SMIM10L2B: variants seen among roughly 807,000 people sequenced by gnomAD.
SMIM10L2B encodes the protein small integral membrane protein 10 like 2B, also known as small integral membrane protein 10-like protein 2B.
For missense variants in SMIM10L2B, 40 were observed against 58.7 expected (o/e 0.68, Z 1.04); for synonymous variants, 28 against 30.0 (o/e 0.93, Z 0.22).
At position 135,097,411 on chromosome X, in the gene SMIM10L2B, G is replaced by C. The variant is rs1162722985; in HGVS notation, c.*365-290C>G. Among the ~76,000 whole-genome samples, 15 of 112,302 alleles carry C rather than the reference G, an allele frequency of 1.3e-4. 1 individual carries two copies. The highest frequency in any genetic ancestry group is 4.9e-4 in the African/African-American group (15 of 30,856). On this transcript the variant is annotated intron_variant, in intron 1 of 1. Transcript: ENST00000433425. ...GACATGGCGGAAGAGCAAGACTGTG[G>C]GGGGAGGGGACGGTAGGAATGCGTC...
rs1258457241 is a variant in SMIM10L2B, at chrX:135,098,550, C to T, written c.84G>A (p.Ala28=). Residue 28 remains alanine (A), a synonymous_variant, in exon 1 of 2, where the codon GCG becomes GCA. Transcript: ENST00000433425. ...GLAVRLSRSA[A]ARGSYGAFCK... ...AGAAGGCGCCGTATGAGCCTCGGGC[C>T]GCCGCCGAGCGCGACAGCCGAACCG... The T allele has an allele frequency of 5.2e-4, 466 of 903,026 alleles. 1 individual carries two copies. The highest frequency in any genetic ancestry group is 6.5e-4 in the Non-Finnish European group (446 of 681,410). 74.4% of individuals were successfully genotyped at this position (903,026 alleles called of 1,213,427 possible).
Position 135,098,401 on chromosome X carries a change from T to G in SMIM10L2B, c.233A>C (p.Glu78Ala). Residue 78 changes from glutamate (E) to alanine (A), a missense_variant, in exon 1 of 2, where the codon GAG (glutamate) becomes GCG (alanine). Transcript: ENST00000433425. ...GGCCGCCGCCGCCGCCGGCGCTCAC[T>G]CGATCCGCACTTGCAGGCGGACGTT... ...MLNVRLQVRI[E>A] 1.5e-6 allele frequency: 1 copy of G among 652,127 alleles called. No homozygotes were observed. The highest frequency in any genetic ancestry group is 2.2e-6 in the Non-Finnish European group (1 of 464,350). 53.7% of individuals were successfully genotyped at this position (652,127 alleles called of 1,213,427 possible).
chrX:135,096,249 G>A lies in SMIM10L2B; in HGVS notation c.*1237C>T, dbSNP rs781983144. 9.0e-6 allele frequency: 1 copy of A among 111,163 alleles called. No individual in the cohort carries two copies. Among genetic ancestry groups the A allele is most frequent in the African/African-American group, 3.3e-5 (1 of 30,504 alleles). The allele number at this position is 111,163 out of a possible 1,213,427, so 9.2% of individuals were successfully genotyped here. A position where few individuals can be genotyped will look rare whatever the true frequency, so the allele number is the denominator to read the frequency against. On this transcript the variant is annotated 3_prime_UTR_variant, in exon 2 of 2. Transcript: ENST00000433425. ...CCCCAGGACCAATCCAAGCCGTGAG[G>A]ATGAGATTCTCCTGTGTGATCCTGG...
In SMIM10L2B at chrX:135,095,725, C is replaced by T. The variant is rs2083444646; in HGVS notation, c.*1761G>A. On this transcript the variant is annotated 3_prime_UTR_variant, in exon 2 of 2. Transcript: ENST00000433425. Reference sequence around the variant, plus strand: ...CAAGGAGGCCCCTCACTCCTCTTCTCCTCCAGCTCTGTATCACTCTTGTCC... The same window carrying T: ...CAAGGAGGCCCCTCACTCCTCTTCTTCTCCAGCTCTGTATCACTCTTGTCC... The T allele has an allele frequency of 8.9e-6, 1 of 112,511 alleles. No individual in the cohort carries two copies. Among genetic ancestry groups the T allele is most frequent in the Non-Finnish European group, 1.9e-5 (1 of 53,272 alleles). 9.3% of individuals were successfully genotyped at this position (112,511 alleles called of 1,213,427 possible). A position where few individuals can be genotyped will look rare whatever the true frequency, so the allele number is the denominator to read the frequency against.
In SMIM10L2B at chrX:135,095,225, G is replaced by C. The variant is rs2083442908; in HGVS notation, c.*2261C>G. 9.0e-6 allele frequency: 1 copy of C among 111,701 alleles called. No homozygotes were observed. The highest frequency in any genetic ancestry group is 3.3e-5 in the African/African-American group (1 of 30,591). The allele number at this position is 111,701 out of a possible 1,213,427, so 9.2% of individuals were successfully genotyped here. A position where few individuals can be genotyped will look rare whatever the true frequency, so the allele number is the denominator to read the frequency against. On this transcript the variant is annotated 3_prime_UTR_variant, in exon 2 of 2. Coordinates refer to ENST00000433425, the MANE Select transcript of SMIM10L2B (RefSeq NM_001348255.2). ...GACCCCATCACGCAGCAAGGGCCCT[G>C]TAGGGGAGAGAAGAGGTGGGGAGGG...
In SMIM10L2B at chrX:135,096,027, G is replaced by C. The variant is rs2083445782; in HGVS notation, c.*1459C>G. On this transcript the variant is annotated 3_prime_UTR_variant, in exon 2 of 2. Transcript: ENST00000433425. ...GGCCTGCTGAGGAGGGTACGTGGTA[G>C]GTGGTTGGATCACTCTGTCCCTGGA... The C allele has an allele frequency of 8.9e-6, 1 of 111,865 alleles. No individual in the cohort carries two copies. 9.2% of individuals were successfully genotyped at this position (111,865 alleles called of 1,213,427 possible). A position where few individuals can be genotyped will look rare whatever the true frequency, so the allele number is the denominator to read the frequency against.
rs1249870567 is a variant in SMIM10L2B at position 135,098,288 on chromosome X, C to T, written c.*109G>A. On this transcript the variant is annotated 3_prime_UTR_variant, in exon 1 of 2. Transcript: ENST00000433425. ...AGGGGCCCGGGCCGCCCCACCTCCG[C>T]CCCCCGCCGCGATCCAGCTGTCCTT... 1.4e-5 allele frequency: 4 copies of T among 279,352 alleles called. No individual in the cohort carries two copies. Among genetic ancestry groups the T allele is most frequent in the Non-Finnish European group, 2.5e-5 (4 of 160,754 alleles). The allele number at this position is 279,352 out of a possible 1,213,427, so 23.0% of individuals were successfully genotyped here.
rs1556397965 is a variant in SMIM10L2B at position 135,096,084 on chromosome X, G to GCT, written c.*1401_*1402insAG. 5 of 111,616 alleles carry GCT rather than the reference G, an allele frequency of 4.5e-5. No individual in the cohort carries two copies. The highest frequency in any genetic ancestry group is 9.4e-5 in the Non-Finnish European group (5 of 53,146). 9.2% of individuals were successfully genotyped at this position (111,616 alleles called of 1,213,427 possible). A position where few individuals can be genotyped will look rare whatever the true frequency, so the allele number is the denominator to read the frequency against. ...CAGACTGCTGCAGTTTTCAATCCCA[G>GCT]GAACTGAGAATGTGGCCCTCAGGGT... On this transcript the variant is annotated 3_prime_UTR_variant, in exon 2 of 2. Coordinates refer to ENST00000433425, the MANE Select transcript of SMIM10L2B (RefSeq NM_001348255.2).
chrX:135,095,740 CACTCT>C lies in SMIM10L2B; in HGVS notation c.*1741_*1745del, dbSNP rs1256276210. 8.9e-6 allele frequency: 1 copy of C among 112,424 alleles called. No individual in the cohort carries two copies. The highest frequency in any genetic ancestry group is 3.2e-5 in the African/African-American group (1 of 30,899). 9.3% of individuals were successfully genotyped at this position (112,424 alleles called of 1,213,427 possible). On this transcript the variant is annotated 3_prime_UTR_variant, in exon 2 of 2. Coordinates refer to ENST00000433425, the MANE Select transcript of SMIM10L2B (RefSeq NM_001348255.2). ...CTCCTCTTCTCCTCCAGCTCTGTATCACTCTTGTCCCACAGAGGCTGCCCCCAGAG... is the reference window on the plus strand; with the variant it reads ...CTCCTCTTCTCCTCCAGCTCTGTATCTGTCCCACAGAGGCTGCCCCCAGAG...
intron 1 of SMIM10L2B, among the ~76,000 whole-genome samples, 157 bp downstream of exon 1, chrX:135,097,876 A>G (rs1398822293): frequency 9.0e-6 from 1 of 111,614 alleles, no homozygotes; most frequent in Non-Finnish European, 1.9e-5. Flanking sequence ...AGGAGGGGAG[A>G]GCCTGCGGCT....
rs1179225371 is a variant in SMIM10L2B, at chrX:135,095,372, AGC to A, written c.*2112_*2113del. The A allele has an allele frequency of 9.0e-5, 10 of 111,260 alleles. No individual in the cohort carries two copies. Among genetic ancestry groups the A allele is most frequent in the African/African-American group, 3.0e-4 (9 of 30,508 alleles). The allele number at this position is 111,260 out of a possible 1,213,427, so 9.2% of individuals were successfully genotyped here. A position where few individuals can be genotyped will look rare whatever the true frequency, so the allele number is the denominator to read the frequency against. The stretch of plus-strand genomic sequence containing the variant: ...CCAGTCAGCCCCTCTAGGCCAATAT[AGC>A]CACAGCAGAAGCCACGGGGGGTGGG... On this transcript the variant is annotated 3_prime_UTR_variant, in exon 2 of 2. Transcript: ENST00000433425.
At position 135,095,558 on chromosome X, in the gene SMIM10L2B, C is replaced by T. The variant is rs41312777; in HGVS notation, c.*1928G>A. ...CCCTTGCATGGGGAGGGCTCAGGCA[C>T]CCCCCACTGTATCACACATGCAATC... On this transcript the variant is annotated 3_prime_UTR_variant, in exon 2 of 2. Transcript: ENST00000433425. 0.048 allele frequency: 5,344 copies of T among 111,456 alleles called. 107 individuals carry two copies. The highest frequency in any genetic ancestry group is 0.062 in the African/African-American group (1,890 of 30,618). The allele number at this position is 111,456 out of a possible 1,213,427, so 9.2% of individuals were successfully genotyped here.
chrX:135,098,681 C>T lies in SMIM10L2B; in HGVS notation c.-48G>A, dbSNP rs1556398598. 32 of 280,130 alleles carry T rather than the reference C, an allele frequency of 1.1e-4. No individual in the cohort carries two copies. The highest frequency in any genetic ancestry group is 3.1e-5 in the Non-Finnish European group (5 of 162,103). The allele number at this position is 280,130 out of a possible 1,213,427, so 23.1% of individuals were successfully genotyped here. On this transcript the variant is annotated 5_prime_UTR_variant, in exon 1 of 2. Coordinates refer to ENST00000433425, the MANE Select transcript of SMIM10L2B (RefSeq NM_001348255.2). The stretch of plus-strand genomic sequence containing the variant: ...CCGCCGACCGATCGACCCGCAAGAG[C>T]TCGAGCCTCAGGACGGCGGGACCCC...
Position 135,097,393 on chromosome X carries a change from C to A in SMIM10L2B, c.*365-272G>T, listed in dbSNP as rs1354382185. Reference sequence around the variant, plus strand: ...CCTTAGGGAGCATGGGCTGACATGGCGGAAGAGCAAGACTGTGGGGGGAGG... The same window carrying A: ...CCTTAGGGAGCATGGGCTGACATGGAGGAAGAGCAAGACTGTGGGGGGAGG... On this transcript the variant is annotated intron_variant, in intron 1 of 1. Transcript: ENST00000433425. Among the ~76,000 whole-genome samples the A allele has an allele frequency of 2.7e-5, 3 of 112,259 alleles. No individual in the cohort carries two copies. In the South Asian group the frequency reaches 1.1e-3, roughly 41 times the overall value.
At position 135,096,061 on chromosome X, in the gene SMIM10L2B, G is replaced by A. The variant is rs2083445889; in HGVS notation, c.*1425C>T. The A allele has an allele frequency of 9.0e-6, 1 of 111,717 alleles. No individual in the cohort carries two copies. The highest frequency in any genetic ancestry group is 1.9e-5 in the Non-Finnish European group (1 of 53,144). The allele number at this position is 111,717 out of a possible 1,213,427, so 9.2% of individuals were successfully genotyped here. ...ATCACTCTGTCCCTGGAGCTGGCCA[G>A]ACTGCTGCAGTTTTCAATCCCAGGA... is the stretch of plus-strand genomic sequence containing the variant. On this transcript the variant is annotated 3_prime_UTR_variant, in exon 2 of 2. Coordinates refer to ENST00000433425, the MANE Select transcript of SMIM10L2B (RefSeq NM_001348255.2).
At position 135,095,930 on chromosome X, in the gene SMIM10L2B, A is replaced by G. The variant is rs1556397914; in HGVS notation, c.*1556T>C. 8.9e-6 allele frequency: 1 copy of G among 111,958 alleles called. No homozygotes were observed. Among genetic ancestry groups the G allele is most frequent in the African/African-American group, 3.3e-5 (1 of 30,740 alleles). The allele number at this position is 111,958 out of a possible 1,213,427, so 9.2% of individuals were successfully genotyped here. A position where few individuals can be genotyped will look rare whatever the true frequency, so the allele number is the denominator to read the frequency against. On this transcript the variant is annotated 3_prime_UTR_variant, in exon 2 of 2. Transcript: ENST00000433425. The stretch of plus-strand genomic sequence containing the variant: ...CTGGCTGTGGGAGACTGCAGGGGGC[A>G]CGAGGCAGCCACTGTCCAGCCTCTT...
rs1276364641 is a variant in SMIM10L2B at position 135,095,556 on chromosome X, C to A, written c.*1930G>T. On this transcript the variant is annotated 3_prime_UTR_variant, in exon 2 of 2. Coordinates refer to ENST00000433425, the MANE Select transcript of SMIM10L2B (RefSeq NM_001348255.2). ...GCCCCTTGCATGGGGAGGGCTCAGG[C>A]ACCCCCCACTGTATCACACATGCAA... is the stretch of plus-strand genomic sequence containing the variant. 1 of 111,741 alleles carries A rather than the reference C, an allele frequency of 8.9e-6. No individual in the cohort carries two copies. The highest frequency in any genetic ancestry group is 1.9e-5 in the Non-Finnish European group (1 of 53,019). The allele number at this position is 111,741 out of a possible 1,213,427, so 9.2% of individuals were successfully genotyped here.
At position 135,098,702 on chromosome X, in the gene SMIM10L2B, A is replaced by ACCCCAACACTAGCGCGC. The variant is rs1556398609; in HGVS notation, c.-70_-69insGCGCGCTAGTGTTGGGG. On this transcript the variant is annotated 5_prime_UTR_variant, in exon 1 of 2. Coordinates refer to ENST00000433425, the MANE Select transcript of SMIM10L2B (RefSeq NM_001348255.2). ...AGAGCTCGAGCCTCAGGACGGCGGG[A>ACCCCAACACTAGCGCGC]CCCCAACACTAGCGCGCCCCGCCGG... 3.7e-6 allele frequency: 1 copy of ACCCCAACACTAGCGCGC among 267,158 alleles called. No homozygotes were observed. Among genetic ancestry groups the ACCCCAACACTAGCGCGC allele is most frequent in the African/African-American group, 2.9e-5 (1 of 34,505 alleles). 22.0% of individuals were successfully genotyped at this position (267,158 alleles called of 1,213,427 possible). A position where few individuals can be genotyped will look rare whatever the true frequency, so the allele number is the denominator to read the frequency against.
At chrX:135,097,687 G>C (rs1271900109) in intron 1 of SMIM10L2B, among the ~76,000 whole-genome samples, 1 of 112,337 alleles carries the variant, frequency 8.9e-6, no homozygotes, top group Non-Finnish European at 1.9e-5. Flanking sequence ...TGGTGGGGAA[G>C]AGAAGGGTGG....
Sources: allele counts gnomAD v4.1 joint callset (sites outside exome capture counted in the v4.1 genomes callset), GRCh38; gene constraint gnomAD v4.1.1; transcripts MANE v1.5; gene names NCBI Gene and HGNC (gene_info 2026-07-23, HGNC 2026-07-21).